The following SEMA5A variants were observed in gnomAD, a reference collection of about 807,000 sequenced individuals.
SEMA5A encodes semaphorin 5A, also known as semaphorin-5A.
Under a neutral mutation model 135.5 loss-of-function variants are expected in SEMA5A, and 55 were observed. The observed-to-expected ratio is 0.41, with a 90% CI of 0.33 to 0.51. The LOEUF (loss-of-function observed/expected upper bound fraction) is 0.51, where lower values mean the gene tolerates loss of function less well. SEMA5A is among the 20% of genes least tolerant of loss of function. SEMA5A has a pLI of 0.37. For missense variants in SEMA5A, 1,290 were observed against 1,419.9 expected, an observed-to-expected ratio of 0.91 and a Z score of 1.47; for synonymous variants, 580 against 546.5, an observed-to-expected ratio of 1.06 and a Z score of -0.85.
At chr5:9,233,259 G>A (rs981202944) in intron 6 of SEMA5A, among the ~76,000 whole-genome samples, 24 of 152,326 alleles carry the variant, frequency 1.6e-4, no homozygotes, top group Admixed American at 1.5e-3. Flanking sequence ...TGGGAGGAAC[G>A]TCAGTTCAGA....
chr5:9,142,584 C>T (rs933244089), intron 12 of SEMA5A, among the ~76,000 whole-genome samples: 1 of 152,178 alleles, frequency 6.6e-6, no homozygotes, highest in African/African-American at 2.4e-5. Context: ...TTATCCCTTC[C>T]CTAATTCCTA....
At chr5:9,240,291 T>G (rs970617119) in intron 5 of SEMA5A, among the ~76,000 whole-genome samples, 1 of 152,024 alleles carries the variant, frequency 6.6e-6, no homozygotes, top group African/African-American at 2.4e-5. Flanking sequence ...AAGACCATGA[T>G]TGTACAGCTT....
chr5:9,226,019 G>C (rs185849447), intron 7 of SEMA5A, among the ~76,000 whole-genome samples: 1 of 152,300 alleles, frequency 6.6e-6, no homozygotes, highest in East Asian at 1.9e-4. Flanking sequence ...ATCTTGTGGG[G>C]CAGATGTTGA....
chr5:9,122,677 A>T lies in SEMA5A; in HGVS notation c.1760T>A (p.Met587Lys). Residue 587 changes from methionine (M) to lysine (K), a missense_variant, in exon 14 of 23, where the codon ATG becomes AAG. This residue lies in a region of SEMA5A where 1,029 missense variants were observed against 1,086.6 expected (regional missense o/e 0.95). Coordinates refer to ENST00000382496, the MANE Select transcript of SEMA5A (RefSeq NM_003966.3). ...ACACCTGGAACAGTTGGCGATCTCC[A>T]TGCCAGGGCCCTCGCACTGCCAGCC... ...CGGWQCEGPG[M>K]EIANCSRNGG... 6.2e-7 allele frequency: 1 copy of T among 1,605,328 alleles called. No homozygotes were observed. The highest frequency in any genetic ancestry group is 8.5e-7 in the Non-Finnish European group (1 of 1,174,254).
intron 21 of SEMA5A, among the ~76,000 whole-genome samples, chr5:9,046,135 G>A (rs1736238367): frequency 6.6e-6 from 1 of 152,168 alleles, no homozygotes; most frequent in Non-Finnish European, 1.5e-5. Context: ...CTGGCCTCAT[G>A]TGCCACCTGC....
At chr5:9,197,345 G>A in intron 9 of SEMA5A, 42 bp from the exon 10 acceptor site, 1 of 1,598,928 alleles carries the variant, frequency 6.3e-7, no homozygotes, top group Non-Finnish European at 8.5e-7. Context: ...AGAGAGCTCG[G>A]CAGCACCTGC....
rs60880880 is a variant in SEMA5A, at chr5:9,088,116, G to A, written c.2073+20024C>T. On this transcript the variant is annotated intron_variant, in intron 16 of 22. Coordinates refer to ENST00000382496, the MANE Select transcript of SEMA5A (RefSeq NM_003966.3). ...GAGGTCAAAAGATCAAGACCATTCT[G>A]CCCAACATGGTGAAACCCCGTCTGC... is the stretch of plus-strand genomic sequence containing the variant. Among the ~76,000 whole-genome samples, 1,516 of 152,154 alleles carry A rather than the reference G, an allele frequency of 1.0e-2. 24 individuals are homozygous for A. Among genetic ancestry groups the A allele is most frequent in the African/African-American group, 0.034 (1,423 of 41,506 alleles).
chr5:9,258,195 G>A (rs573278883), intron 5 of SEMA5A, among the ~76,000 whole-genome samples: 57 of 152,228 alleles, frequency 3.7e-4, no homozygotes, highest in African/African-American at 1.2e-3. Context: ...CCTTACCATC[G>A]CCCCTTCAAA....
At chr5:9,350,014 C>T (rs540928813) in intron 3 of SEMA5A, among the ~76,000 whole-genome samples, 28 of 152,246 alleles carry the variant, frequency 1.8e-4, no homozygotes, top group African/African-American at 6.5e-4. Context: ...ACACTTACTG[C>T]ACTGGACACC....
rs1735777083 is a variant in SEMA5A, at chr5:9,038,579, T to C, written c.*4318A>G. The C allele has an allele frequency of 6.6e-6, 1 of 152,316 alleles. No homozygotes were observed. Among genetic ancestry groups the C allele is most frequent in the Non-Finnish European group, 1.5e-5 (1 of 68,028 alleles). The allele number at this position is 152,316 out of a possible 1,614,324, so 9.4% of individuals were successfully genotyped here. A position where few individuals can be genotyped will look rare whatever the true frequency, so the allele number is the denominator to read the frequency against. On this transcript the variant is annotated 3_prime_UTR_variant, in exon 23 of 23. Coordinates refer to ENST00000382496, the MANE Select transcript of SEMA5A (RefSeq NM_003966.3). ...GCAAATGAATATTTGTAAATTCAAA[T>C]GCTAACAAGGCTGTGTTTAGACAAA...
At chr5:9,406,513 T>C (rs2126587240) in intron 2 of SEMA5A, among the ~76,000 whole-genome samples, 1 of 152,318 alleles carries the variant, frequency 6.6e-6, no homozygotes, top group Middle Eastern at 3.4e-3. Context: ...AAAGGAGTTA[T>C]AAATATCAAG....
intron 21 of SEMA5A, 90 bp from the exon 22 acceptor site, chr5:9,044,674 A>G (rs1736153350): frequency 1.8e-6 from 2 of 1,105,528 alleles, no homozygotes; most frequent in Non-Finnish European, 1.3e-6. Flanking sequence ...GAAAGTCAAA[A>G]TGAAAAGCTT....
intron 15 of SEMA5A, among the ~76,000 whole-genome samples, chr5:9,113,395 G>T (rs767148491): frequency 6.6e-6 from 1 of 152,140 alleles, no homozygotes; most frequent in African/African-American, 2.4e-5. Flanking sequence ...GACATGGCCA[G>T]TAAGGGTTTA....
At chr5:9,288,878 C>CA (rs543948993) in intron 5 of SEMA5A, among the ~76,000 whole-genome samples, 114 of 151,564 alleles carry the variant, frequency 7.5e-4, no homozygotes, top group Non-Finnish European at 9.9e-4. Context: ...TGAGGACACA[C>CA]AAAAAAAAGG....
chr5:9,071,069 G>A lies in SEMA5A; in HGVS notation c.2074-4423C>T, dbSNP rs1463754812. 1.6e-4 allele frequency among the ~76,000 whole-genome samples: 25 copies of A among 152,250 alleles called. No homozygotes were observed. In the South Asian group the frequency reaches 5.2e-3, roughly 32 times the overall value. On this transcript the variant is annotated intron_variant, in intron 16 of 22. Coordinates refer to ENST00000382496, the MANE Select transcript of SEMA5A (RefSeq NM_003966.3). Reference sequence around the variant, plus strand: ...TTCAGGAAGCTAACTATTATGATTTGGCACCTAAGGTTCTTAATATTCTGG... The same window carrying A: ...TTCAGGAAGCTAACTATTATGATTTAGCACCTAAGGTTCTTAATATTCTGG...
intron 12 of SEMA5A, among the ~76,000 whole-genome samples, chr5:9,151,620 C>A (rs972368022): frequency 1.3e-5 from 2 of 151,914 alleles, no homozygotes; most frequent in Non-Finnish European, 2.9e-5. Flanking sequence ...TCCTATCTTT[C>A]TACAGGAGTA....
At chr5:9,066,883 A>G (rs1459424456) in intron 16 of SEMA5A, among the ~76,000 whole-genome samples, 1 of 152,220 alleles carries the variant, frequency 6.6e-6, no homozygotes, top group African/African-American at 2.4e-5. Context: ...AACAATGGGA[A>G]TGAGACAACA....
chr5:9,491,408 T>C (rs1734996073), intron 1 of SEMA5A, among the ~76,000 whole-genome samples: 1 of 152,176 alleles, frequency 6.6e-6, no homozygotes, highest in African/African-American at 2.4e-5. Context: ...GTGATAATGA[T>C]GTGCCAATGT....
intron 8 of SEMA5A, 48 bp downstream of exon 8, chr5:9,224,626 G>A (rs1450612145): frequency 1.9e-6 from 3 of 1,553,344 alleles, no homozygotes; most frequent in Non-Finnish European, 2.7e-6. Flanking sequence ...AAATCACCAG[G>A]AATCAAAGAC....
Sources: gnomAD v4.1 joint callset for allele counts (sites outside exome capture counted in the v4.1 genomes callset) on GRCh38, gnomAD v4.1.1 for gene constraint, gnomAD v4.1.1 regional missense constraint, MANE v1.5 for transcripts, NCBI Gene and HGNC (gene_info 2026-07-23, HGNC 2026-07-21) for gene names.